Variants in IMMP2L observed in about 807,000 individuals in gnomAD.
IMMP2L encodes mitochondrial inner membrane protease subunit 2.
IMMP2L carries 18 observed loss-of-function variants against 19.3 expected under a neutral mutation model. The observed-to-expected ratio is 0.93, with a 90% confidence interval of 0.64 to 1.38. IMMP2L has a LOEUF of 1.38. Among genes scored for constraint, IMMP2L ranks in the 40% most tolerant of loss-of-function variants. The pLI is 0.00. For missense variants in IMMP2L, 233 were observed against 218.2 expected (o/e 1.07, Z -0.43); for synonymous variants, 76 against 73.0 (o/e 1.04, Z -0.21).
intron 5 of IMMP2L, among the ~76,000 whole-genome samples, chr7:110,681,083 T>C (rs1259537176): frequency 6.6e-6 from 1 of 150,780 alleles, no homozygotes. Flanking sequence ...AAAGTGAGAA[T>C]GGGTTTGGGT....
chr7:111,043,494 A>G (rs1346940732), intron 3 of IMMP2L, among the ~76,000 whole-genome samples: 1 of 152,234 alleles, frequency 6.6e-6, no homozygotes, highest in African/African-American at 2.4e-5. Flanking sequence ...CTGCCAGTTC[A>G]GTCTTGCACA....
chr7:111,217,579 T>C lies in IMMP2L; in HGVS notation c.240-254014A>G, dbSNP rs189361071. On this transcript the variant is annotated intron_variant, in intron 3 of 5. Coordinates refer to ENST00000405709, the MANE Select transcript of IMMP2L (RefSeq NM_032549.4). ...CAAAGGAATAAAGGGATATCAATGC[T>C]GAGTACAGCTAATAACGTCCGTTGA... 4.2e-4 allele frequency among the ~76,000 whole-genome samples: 64 copies of C among 152,276 alleles called. 1 individual carries two copies. The East Asian group carries it at 0.012, about 28-fold the overall frequency.
At chr7:111,461,828 C>T (rs1585199475) in intron 3 of IMMP2L, among the ~76,000 whole-genome samples, 1 of 151,942 alleles carries the variant, frequency 6.6e-6, no homozygotes, top group Non-Finnish European at 1.5e-5. Flanking sequence ...AAACTGGAAA[C>T]AACTGTTTCT....
intron 4 of IMMP2L, among the ~76,000 whole-genome samples, chr7:110,897,751 A>G (rs1811467646): frequency 6.6e-6 from 1 of 152,198 alleles, no homozygotes; most frequent in South Asian, 2.1e-4. Context: ...TATATAACCC[A>G]TAAAAAGAAC....
chr7:111,197,768 A>T (rs955182406), intron 3 of IMMP2L, among the ~76,000 whole-genome samples: 1 of 152,210 alleles, frequency 6.6e-6, no homozygotes, highest in African/African-American at 2.4e-5. Context: ...TGACAAATCC[A>T]TCTAATTCTA....
chr7:110,825,617 G>A (rs1162607125), intron 5 of IMMP2L, among the ~76,000 whole-genome samples: 1 of 152,092 alleles, frequency 6.6e-6, no homozygotes, highest in East Asian at 1.9e-4. Context: ...ATGGTGCTAG[G>A]AAAACTGGCT....
intron 4 of IMMP2L, among the ~76,000 whole-genome samples, chr7:110,937,378 C>A (rs1376915551): frequency 6.6e-6 from 1 of 152,050 alleles, no homozygotes; most frequent in African/African-American, 2.4e-5. Context: ...TTTATGTACA[C>A]CCAGTTTGGG....
At chr7:110,764,011 A>C (rs914555322) in intron 5 of IMMP2L, among the ~76,000 whole-genome samples, 1 of 152,184 alleles carries the variant, frequency 6.6e-6, no homozygotes, top group Admixed American at 6.6e-5. Context: ...AATGGGGTGC[A>C]GATTAATGAC....
chr7:111,086,935 T>G (rs1477366191), intron 3 of IMMP2L, among the ~76,000 whole-genome samples: 2 of 152,218 alleles, frequency 1.3e-5, no homozygotes, highest in Non-Finnish European at 2.9e-5. Context: ...TGGCATCCCT[T>G]GTTGCTGACT....
intron 3 of IMMP2L, among the ~76,000 whole-genome samples, chr7:111,198,855 A>G (rs182636611): frequency 6.6e-6 from 1 of 152,258 alleles, no homozygotes; most frequent in East Asian, 1.9e-4. Flanking sequence ...AAGTTCCCAA[A>G]AATAATGTAA....
intron 3 of IMMP2L, among the ~76,000 whole-genome samples, chr7:111,286,482 G>A (rs1201911463): frequency 1.3e-5 from 2 of 152,088 alleles, no homozygotes; most frequent in South Asian, 2.1e-4. Context: ...AAAACTCTAC[G>A]ATGATGTGGC....
intron 3 of IMMP2L, among the ~76,000 whole-genome samples, chr7:111,072,300 T>C (rs147578747): frequency 6.6e-6 from 1 of 152,310 alleles, no homozygotes; most frequent in African/African-American, 2.4e-5. Flanking sequence ...ATGAGGAATA[T>C]AATATGTATA....
rs774825490 is a variant in IMMP2L, at chr7:111,487,254, C to T, written c.223G>A (p.Asp75Asn). 2.6e-6 allele frequency: 4 copies of T among 1,558,594 alleles called. No individual in the cohort carries two copies. The African/African-American group carries it at 5.4e-5, about 21-fold the overall frequency. Reference sequence around the variant, plus strand: ...GTTACTTACACCAATGATACAATGTCACCACGGTGTACTTCAAAATTCCTC... The same window carrying T: ...GTTACTTACACCAATGATACAATGTTACCACGGTGTACTTCAAAATTCCTC... The part of the protein sequence containing the change: ...KVRNFEVHRG[D>N]IVSLVSPKNP... The change falls in exon 3 of 6, where the codon GAC becomes AAC. Residue 75 changes from aspartate (D) to asparagine (N), a missense_variant. Physicochemically the swap from Asp to Asn is conservative, Grantham distance 23. Coordinates refer to ENST00000405709, the MANE Select transcript of IMMP2L (RefSeq NM_032549.4).
intron 3 of IMMP2L, among the ~76,000 whole-genome samples, chr7:111,318,946 C>G (rs1353570484): frequency 6.6e-6 from 1 of 152,058 alleles, no homozygotes; most frequent in Non-Finnish European, 1.5e-5. Flanking sequence ...CACAAGTTAG[C>G]CAACTATATA....
rs528743580 is a variant in IMMP2L at position 110,834,775 on chromosome 7, G to C, written c.408+51818C>G. 3.9e-5 allele frequency among the ~76,000 whole-genome samples: 6 copies of C among 152,204 alleles called. No individual in the cohort carries two copies. In the South Asian group the frequency reaches 1.2e-3, roughly 32 times the overall value. ...GACTTTTCTACAAAGAGAATTGTAG[G>C]GATTAAGACAAATTTAACTGAAAGA... is the stretch of plus-strand genomic sequence containing the variant. On this transcript the variant is annotated intron_variant, in intron 5 of 5. Coordinates refer to ENST00000405709, the MANE Select transcript of IMMP2L (RefSeq NM_032549.4).
chr7:111,468,093 C>A (rs1022262946), intron 3 of IMMP2L, among the ~76,000 whole-genome samples: 4 of 152,136 alleles, frequency 2.6e-5, no homozygotes, highest in African/African-American at 9.7e-5. Flanking sequence ...CTCATCCCAA[C>A]TAGATATACT....
At chr7:111,324,991 G>T (rs1825162302) in intron 3 of IMMP2L, among the ~76,000 whole-genome samples, 1 of 151,732 alleles carries the variant, frequency 6.6e-6, no homozygotes, top group Non-Finnish European at 1.5e-5. Context: ...TATGGTGCCT[G>T]TGTGGGATGC....
intron 3 of IMMP2L, among the ~76,000 whole-genome samples, chr7:111,268,569 C>CTCTTTTTTTTTTTTTT (rs1818083564): frequency 6.7e-5 from 3 of 44,562 alleles, no homozygotes; most frequent in African/African-American, 3.1e-4. Context: ...TCACATTTCT[C>CTCTTTTTTTTTTTTTT]TTTTTTTTTT....
chr7:110,679,953 A>C (rs912473173), intron 5 of IMMP2L, among the ~76,000 whole-genome samples: 1 of 152,114 alleles, frequency 6.6e-6, no homozygotes, highest in Non-Finnish European at 1.5e-5. Context: ...AGAGACTAAC[A>C]TTTTCTCTGA....
Sources: allele counts gnomAD v4.1 joint callset (sites outside exome capture counted in the v4.1 genomes callset), GRCh38; gene constraint gnomAD v4.1.1; transcripts MANE v1.5; gene names NCBI Gene and HGNC (gene_info 2026-07-23, HGNC 2026-07-21).